RORA: variants seen among roughly 807,000 people sequenced by gnomAD.
RORA encodes nuclear receptor ROR-alpha.
RORA carries 7 observed loss-of-function variants against 69.5 expected under a neutral mutation model. The ratio of observed to expected loss-of-function variants is 0.10; its 90% confidence interval spans 0.06 to 0.19. The LOEUF (loss-of-function observed/expected upper bound fraction) is 0.19, where lower values mean the gene tolerates loss of function less well. RORA is among the 10% of genes least tolerant of loss of function. The pLI is 1.00. For missense variants in RORA, 457 were observed against 663.0 expected, an observed-to-expected ratio of 0.69 and a Z score of 3.41; for synonymous variants, 261 against 240.8, an observed-to-expected ratio of 1.08 and a Z score of -0.78.
At chr15:60,687,829 T>C (rs1261881002) in intron 1 of RORA, among the ~76,000 whole-genome samples, 1 of 152,244 alleles carries the variant, frequency 6.6e-6, no homozygotes, top group Non-Finnish European at 1.5e-5. Context: ...TTAGATTAGA[T>C]GTACAAGCTA....
chr15:60,795,327 C>A (rs1324722291), intron 1 of RORA, among the ~76,000 whole-genome samples: 1 of 152,200 alleles, frequency 6.6e-6, no homozygotes, highest in Non-Finnish European at 1.5e-5. Flanking sequence ...CACGAAACAA[C>A]AAGAGCAGCA....
intron 1 of RORA, among the ~76,000 whole-genome samples, chr15:60,869,769 A>C (rs2073532710): frequency 6.6e-6 from 1 of 152,210 alleles, no homozygotes. Context: ...ATGGACAAGA[A>C]AGTGCATAAG....
At chr15:61,029,531 G>A (rs969286988) in intron 1 of RORA, among the ~76,000 whole-genome samples, 3 of 152,170 alleles carry the variant, frequency 2.0e-5, no homozygotes, top group Admixed American at 1.3e-4. Flanking sequence ...GAGTACAGAC[G>A]GGAGGGAGTT....
intron 2 of RORA, among the ~76,000 whole-genome samples, chr15:60,663,361 T>C (rs1017549489): frequency 6.6e-6 from 1 of 152,224 alleles, no homozygotes; most frequent in Non-Finnish European, 1.5e-5. Flanking sequence ...TAGACCCAAC[T>C]TAGCCTTTAT....
intron 2 of RORA, among the ~76,000 whole-genome samples, chr15:60,543,344 C>G (rs1230531121): frequency 6.6e-6 from 1 of 152,076 alleles, no homozygotes; most frequent in Non-Finnish European, 1.5e-5. Context: ...CTTTCTTAAT[C>G]TCTCTGTGCC....
intron 2 of RORA, among the ~76,000 whole-genome samples, chr15:60,555,271 A>G: frequency 6.6e-6 from 1 of 152,186 alleles, no homozygotes; most frequent in East Asian, 1.9e-4. Flanking sequence ...TGGCCTAGAC[A>G]TGCCTTGTAG....
chr15:61,121,817 T>C (rs1195384548), intron 1 of RORA, among the ~76,000 whole-genome samples: 3 of 109,390 alleles, frequency 2.7e-5, no homozygotes, highest in African/African-American at 4.1e-5. Flanking sequence ...GCAATGTAAC[T>C]GCCAAAAGAA....
chr15:61,048,917 C>A (rs1897168436), intron 1 of RORA, among the ~76,000 whole-genome samples: 1 of 152,174 alleles, frequency 6.6e-6, no homozygotes, highest in African/African-American at 2.4e-5. Flanking sequence ...ACCTCTTCCT[C>A]CACACCATCT....
intron 1 of RORA, among the ~76,000 whole-genome samples, chr15:61,154,980 G>A (rs74524391): frequency 0.014 from 2,116 of 151,818 alleles, 51 homozygotes; most frequent in African/African-American, 0.048. Flanking sequence ...CCAGATGTTC[G>A]AAGAAAGTTA....
intron 9 of RORA, 61 bp downstream of exon 9, chr15:60,500,898 G>T: frequency 1.0e-6 from 1 of 952,500 alleles, no homozygotes; most frequent in Non-Finnish European, 1.6e-6. Flanking sequence ...TATGGGCCTT[G>T]TAAAAATTCT....
chr15:61,051,658 TG>T (rs1440603566), intron 1 of RORA, among the ~76,000 whole-genome samples: 1 of 152,160 alleles, frequency 6.6e-6, no homozygotes, highest in Non-Finnish European at 1.5e-5. Context: ...TAGTGATGCT[TG>T]CCTGTACTGT....
At chr15:60,868,885 G>A (rs1330590654) in intron 1 of RORA, among the ~76,000 whole-genome samples, 1 of 152,128 alleles carries the variant, frequency 6.6e-6, no homozygotes, top group Non-Finnish European at 1.5e-5. Context: ...TGTACATAAA[G>A]AGCTGCTTTC....
At chr15:61,034,143 C>T (rs747409689) in intron 1 of RORA, among the ~76,000 whole-genome samples, 9 of 152,098 alleles carry the variant, frequency 5.9e-5, no homozygotes, top group Non-Finnish European at 1.2e-4. Flanking sequence ...TGTTAAAGTT[C>T]TGTATCATAC....
chr15:60,884,348 CA>C, intron 1 of RORA, among the ~76,000 whole-genome samples: 1 of 139,484 alleles, frequency 7.2e-6, no homozygotes, highest in African/African-American at 2.6e-5. Context: ...TTTTTTTTTT[CA>C]AAAGTGCCTC....
chr15:60,579,323 A>G (rs529512431), intron 2 of RORA, among the ~76,000 whole-genome samples: 1 of 152,296 alleles, frequency 6.6e-6, no homozygotes, highest in Admixed American at 6.5e-5. Context: ...TGGATCACAC[A>G]TTGAAGACCA....
intron 1 of RORA, among the ~76,000 whole-genome samples, chr15:60,813,358 T>C (rs8041822): frequency 0.066 from 10,124 of 152,308 alleles, 433 homozygotes; most frequent in African/African-American, 0.096. Flanking sequence ...TGTATCTTCA[T>C]TGAGTGCTCA....
intron 1 of RORA, among the ~76,000 whole-genome samples, chr15:60,741,193 CCAATGACTCAAATT>C: frequency 6.6e-6 from 1 of 152,320 alleles, no homozygotes; most frequent in Non-Finnish European, 1.5e-5. Flanking sequence ...GTTCAGTGAA[CCAATGACTCAAATT>C]CAATTCCCAG....
intron 2 of RORA, among the ~76,000 whole-genome samples, chr15:60,622,314 T>C (rs552178187): frequency 6.6e-6 from 1 of 151,910 alleles, no homozygotes; most frequent in South Asian, 2.1e-4. Context: ...AATCAGCTTC[T>C]AAAATACCAA....
chr15:60,654,984 T>C (rs2070198423), intron 2 of RORA, among the ~76,000 whole-genome samples: 1 of 152,172 alleles, frequency 6.6e-6, no homozygotes, highest in Non-Finnish European at 1.5e-5. Flanking sequence ...GAGTTTGTGG[T>C]ATTTTGTTAT....
Sources: allele counts gnomAD v4.1 joint callset (sites outside exome capture counted in the v4.1 genomes callset), GRCh38; gene constraint gnomAD v4.1.1; transcripts MANE v1.5; gene names NCBI Gene and HGNC (gene_info 2026-07-23, HGNC 2026-07-21).